The following ACAP2 variants were observed in gnomAD, a reference collection of about 807,000 sequenced individuals.
The protein encoded by ACAP2 is ArfGAP with coiled-coil, ankyrin repeat and PH domains 2.
ACAP2 carries 39 observed loss-of-function variants against 115.8 expected under a neutral mutation model. The observed-to-expected ratio is 0.34, with a 90% CI of 0.26 to 0.44. ACAP2 has a LOEUF of 0.44. Among genes scored for constraint, ACAP2 ranks in the 20% least tolerant of loss-of-function variants. The pLI, the probability that ACAP2 is intolerant of heterozygous loss-of-function variation, is 1.00. For synonymous variants in ACAP2, 289 were observed against 315.8 expected (o/e 0.92, Z 0.90); for missense variants, 662 against 927.6 (o/e 0.71, Z 3.72).
At chr3:195,311,456 C>A (rs1462812432) in intron 10 of ACAP2, among the ~76,000 whole-genome samples, 3 of 152,094 alleles carry the variant, frequency 2.0e-5, no homozygotes, top group South Asian at 2.1e-4. Context: ...AGCTCATGGA[C>A]TGTGAAATAT....
chr3:195,331,694 G>C (rs1730177702), intron 8 of ACAP2, among the ~76,000 whole-genome samples: 1 of 151,966 alleles, frequency 6.6e-6, no homozygotes, highest in African/African-American at 2.4e-5. Context: ...CCTAAAAATC[G>C]ACAGTGTTAA....
At chr3:195,290,328 A>G (rs557982048) in intron 20 of ACAP2, among the ~76,000 whole-genome samples, 1 of 152,186 alleles carries the variant, frequency 6.6e-6, no homozygotes, top group South Asian at 2.1e-4. Context: ...GAATGTGCCT[A>G]TGAACAGTCA....
At chr3:195,352,678 C>G (rs1312800646) in intron 4 of ACAP2, among the ~76,000 whole-genome samples, 1 of 152,218 alleles carries the variant, frequency 6.6e-6, no homozygotes, top group African/African-American at 2.4e-5. Flanking sequence ...ACACTGCTTT[C>G]TTCAAAAGCA....
intron 4 of ACAP2, among the ~76,000 whole-genome samples, chr3:195,354,231 T>C (rs1350298206): frequency 1.3e-5 from 2 of 152,232 alleles, no homozygotes; most frequent in African/African-American, 2.4e-5. Context: ...GCATTTTCTT[T>C]ATCCAGTCTA....
intron 1 of ACAP2, among the ~76,000 whole-genome samples, chr3:195,438,560 T>C (rs1162709616): frequency 6.6e-6 from 1 of 152,146 alleles, no homozygotes; most frequent in Non-Finnish European, 1.5e-5. Context: ...TTTATTCCAA[T>C]GTCTTTCGCC....
chr3:195,368,429 C>A (rs1431101094), intron 4 of ACAP2, among the ~76,000 whole-genome samples: 1 of 152,110 alleles, frequency 6.6e-6, no homozygotes, highest in Non-Finnish European at 1.5e-5. Flanking sequence ...GGATGACAGG[C>A]GTTATCCCAG....
At chr3:195,383,411 C>A (rs966001704) in intron 2 of ACAP2, among the ~76,000 whole-genome samples, 1 of 151,758 alleles carries the variant, frequency 6.6e-6, no homozygotes, top group African/African-American at 2.4e-5. Flanking sequence ...AATACTCCAG[C>A]CAGTGGGGGA....
chr3:195,346,071 TACC>T (rs1443540473), intron 4 of ACAP2, among the ~76,000 whole-genome samples: 1 of 152,170 alleles, frequency 6.6e-6, no homozygotes, highest in Non-Finnish European at 1.5e-5. Flanking sequence ...TTGAAAACAA[TACC>T]ACAATTTCAT....
chr3:195,372,987 CAAAAAAAAAAA>C (rs869134113), intron 4 of ACAP2, among the ~76,000 whole-genome samples: 1 of 17,790 alleles, frequency 5.6e-5, no homozygotes, highest in Non-Finnish European at 1.4e-4. Flanking sequence ...GACTCCATCT[CAAAAAAAAAAA>C]AAAAAAAAAA....
At position 195,297,234 on chromosome 3, in the gene ACAP2, A is replaced by T. The variant is rs1727712862; in HGVS notation, c.1443T>A (p.Ala481=). 1 of 1,613,130 alleles carries T rather than the reference A, an allele frequency of 6.2e-7. No homozygotes were observed. The highest frequency in any genetic ancestry group is 1.3e-5 in the African/African-American group (1 of 74,892). ...TCTTTATTCCCATTTTTTCCACATTAGCTTCATAAACTCGATTTATAACAT... is the reference window on the plus strand; with the variant it reads ...TCTTTATTCCCATTTTTTCCACATTTGCTTCATAAACTCGATTTATAACAT... ...GNDVINRVYE[A]NVEKMGIKKP... Residue 481 remains alanine, a synonymous_variant, in exon 16 of 23, where the codon GCT becomes GCA. Transcript: ENST00000326793.
chr3:195,392,812 A>T (rs1177572591), intron 1 of ACAP2, among the ~76,000 whole-genome samples: 2 of 152,246 alleles, frequency 1.3e-5, no homozygotes, highest in African/African-American at 4.8e-5. Flanking sequence ...AATTTGTCTG[A>T]AACAAAATAG....
intron 4 of ACAP2, among the ~76,000 whole-genome samples, chr3:195,380,218 C>A (rs1271475034): frequency 1.3e-5 from 2 of 151,998 alleles, no homozygotes; most frequent in Non-Finnish European, 2.9e-5. Context: ...AAAATTTGAA[C>A]TATAATTAAA....
intron 17 of ACAP2, chr3:195,295,216 G>A: frequency 7.7e-7 from 1 of 1,290,888 alleles, no homozygotes; most frequent in Non-Finnish European, 1.0e-6. Context: ...TTTTGAAGAA[G>A]TATCAAAGTA....
At chr3:195,321,262 G>T (rs1314403269) in intron 9 of ACAP2, among the ~76,000 whole-genome samples, 2 of 122,512 alleles carry the variant, frequency 1.6e-5, no homozygotes, top group Non-Finnish European at 3.1e-5. Context: ...TCGCTCTGCT[G>T]CCCAGCCTGG....
At chr3:195,322,001 T>C (rs1430338775) in intron 9 of ACAP2, among the ~76,000 whole-genome samples, 1 of 152,200 alleles carries the variant, frequency 6.6e-6, no homozygotes, top group East Asian at 1.9e-4. Flanking sequence ...AGTCTACAGT[T>C]TGAAGTGGGC....
intron 1 of ACAP2, among the ~76,000 whole-genome samples, chr3:195,433,301 ATT>A (rs1040716450): frequency 1.3e-5 from 2 of 152,064 alleles, no homozygotes. Context: ...GTTATTTTTT[ATT>A]GTTTTTTTCC....
At chr3:195,388,198 A>G (rs1008836299) in intron 2 of ACAP2, among the ~76,000 whole-genome samples, 2 of 152,246 alleles carry the variant, frequency 1.3e-5, no homozygotes, top group Admixed American at 6.5e-5. Context: ...TTACAATACT[A>G]TAACAGCTTA....
rs192600320 is a variant in ACAP2, at chr3:195,380,999, T to G, written c.285+10A>C. 1.0e-4 allele frequency: 163 copies of G among 1,589,958 alleles called. 1 individual carries two copies. In the African/African-American group the frequency reaches 2.0e-3, roughly 20 times the overall value. Reference sequence around the variant, plus strand: ...TATGGTCATAGTAACACCTACTTACTGACACTTACTGTGTGAAAATTTATC... The same window carrying G: ...TATGGTCATAGTAACACCTACTTACGGACACTTACTGTGTGAAAATTTATC... On this transcript the variant is annotated intron_variant, in intron 4 of 22. Transcript: ENST00000326793.
At chr3:195,424,230 G>A (rs1714429642) in intron 1 of ACAP2, among the ~76,000 whole-genome samples, 1 of 113,654 alleles carries the variant, frequency 8.8e-6, no homozygotes. Flanking sequence ...TCATATGTGT[G>A]TGTGTGTGTG....
Sources: allele counts gnomAD v4.1 joint callset (sites outside exome capture counted in the v4.1 genomes callset), GRCh38; gene constraint gnomAD v4.1.1; transcripts MANE v1.5; gene names NCBI Gene and HGNC (gene_info 2026-07-23, HGNC 2026-07-21).